PCDH11Y: variants seen among roughly 807,000 people sequenced by gnomAD.
PCDH11Y encodes the protein protocadherin 11 Y-linked.
For synonymous variants in PCDH11Y, 9 were observed against 83.6 expected (o/e 0.11, Z 4.87); for missense variants, 12 against 224.8 (o/e 0.05, Z 6.05).
intron 2 of PCDH11Y, among the ~76,000 whole-genome samples, chrY:5,470,704 T>C: frequency 1.1e-4 from 3 of 28,434 alleles, no homozygotes; most frequent in Non-Finnish European, 2.5e-4. Flanking sequence ...ACATGCATTA[T>C]TTTGTGTATG....
At chrY:5,227,178 A>G in intron 2 of PCDH11Y, among the ~76,000 whole-genome samples, 1 of 32,342 alleles carries the variant, frequency 3.1e-5, no homozygotes, top group Non-Finnish European at 7.6e-5. Flanking sequence ...TTACTAGGCA[A>G]TTAATTTTAT....
intron 4 of PCDH11Y, among the ~76,000 whole-genome samples, chrY:5,639,264 C>T: frequency 6.8e-5 from 2 of 29,621 alleles, no homozygotes; most frequent in African/African-American, 2.7e-4. Flanking sequence ...AGGAAAAATG[C>T]TGATAAATAC....
chrY:5,402,905 G>T, intron 2 of PCDH11Y, among the ~76,000 whole-genome samples: 1 of 32,285 alleles, frequency 3.1e-5, no homozygotes, highest in South Asian at 6.9e-4. Context: ...CTTTGCACAT[G>T]CCTTGGTATT....
intron 4 of PCDH11Y, among the ~76,000 whole-genome samples, chrY:5,646,888 G>T (rs2053527620): frequency 3.1e-5 from 1 of 32,509 alleles, no homozygotes; most frequent in South Asian, 6.7e-4. Context: ...AGACCCTAAA[G>T]CTAAAAGAAA....
At chrY:5,635,441 G>A in intron 4 of PCDH11Y, among the ~76,000 whole-genome samples, 2 of 32,556 alleles carry the variant, frequency 6.1e-5, no homozygotes, top group African/African-American at 2.4e-4. Flanking sequence ...AAAAGAAACA[G>A]GGAAAAGATG....
chrY:5,567,258 A>G, intron 3 of PCDH11Y, among the ~76,000 whole-genome samples: 1 of 32,487 alleles, frequency 3.1e-5, no homozygotes, highest in Admixed American at 2.9e-4. Flanking sequence ...GAGCTTGTAA[A>G]GTGATTGCAG....
chrY:5,338,999 A>G, intron 2 of PCDH11Y: 2 of 150,158 alleles, frequency 1.3e-5, no homozygotes, highest in African/African-American at 9.1e-5. Context: ...TCTATTTTCT[A>G]TATTGTGGCT....
At chrY:5,186,934 G>C in intron 2 of PCDH11Y, among the ~76,000 whole-genome samples, 1 of 33,856 alleles carries the variant, frequency 3.0e-5, no homozygotes, top group Non-Finnish European at 7.3e-5. Context: ...ACATACAATG[G>C]GTCAACAGGT....
At position 5,083,691 on chromosome Y, in the gene PCDH11Y, T is replaced by C; in HGVS notation, c.637-14524T>C. Reference sequence around the variant, plus strand: ...ACAGCTTTGATCTCACTACTAGTTATTGGCCTGTTCAGGATTTGAATTTCT... The same window carrying C: ...ACAGCTTTGATCTCACTACTAGTTACTGGCCTGTTCAGGATTTGAATTTCT... On this transcript the variant is annotated intron_variant, in intron 1 of 1. Transcript: ENST00000215473. Among the ~76,000 whole-genome samples, 5 of 29,085 alleles carry C rather than the reference T, an allele frequency of 1.7e-4. No homozygotes were observed. In the East Asian group the frequency reaches 2.8e-3, roughly 16 times the overall value. The allele number at this position is 29,085 out of a possible 37,273, so 78.0% of individuals were successfully genotyped here. A position where few individuals can be genotyped will look rare whatever the true frequency, so the allele number is the denominator to read the frequency against.
intron 3 of PCDH11Y, among the ~76,000 whole-genome samples, chrY:5,525,943 C>CTGTGTG (rs752117151): frequency 3.5e-5 from 1 of 28,359 alleles, no homozygotes; most frequent in African/African-American, 1.4e-4. Context: ...CTCTCTCTCT[C>CTGTGTG]TGTGTGTGTG....
At chrY:5,727,299 A>G (rs1602964710) in intron 4 of PCDH11Y, among the ~76,000 whole-genome samples, 2 of 32,406 alleles carry the variant, frequency 6.2e-5, no homozygotes. Flanking sequence ...GTTATTTGAA[A>G]TTAACTAGTG....
At chrY:5,566,182 C>A (rs2053435019) in intron 3 of PCDH11Y, among the ~76,000 whole-genome samples, 1 of 27,257 alleles carries the variant, frequency 3.7e-5, no homozygotes, top group Non-Finnish European at 8.7e-5. Context: ...ACCATGTTGG[C>A]CAGGATGGTC....
chrY:5,365,897 G>T, intron 2 of PCDH11Y, among the ~76,000 whole-genome samples: 2 of 32,820 alleles, frequency 6.1e-5, no homozygotes, highest in African/African-American at 2.4e-4. Flanking sequence ...TTCATTATTA[G>T]TATGGGCCCA....
Position 5,013,171 on chromosome Y carries a change from A to G in PCDH11Y, c.-134+12566A>G, listed in dbSNP as rs201841645. On this transcript the variant is annotated intron_variant, in intron 1 of 5. Transcript: ENST00000333703. ...AAGACAATGAGAAACAATTGAGTTAATTTACAATGGCATTAAAATAAAAAA... is the reference window on the plus strand; with the variant it reads ...AAGACAATGAGAAACAATTGAGTTAGTTTACAATGGCATTAAAATAAAAAA... Among the ~76,000 whole-genome samples the G allele has an allele frequency of 1.1e-3, 36 of 32,973 alleles. No individual in the cohort carries two copies. In the East Asian group the frequency reaches 0.027, roughly 25 times the overall value. 88.5% of individuals were successfully genotyped at this position (32,973 alleles called of 37,273 possible).
chrY:5,187,621 C>G, intron 2 of PCDH11Y, among the ~76,000 whole-genome samples: 1 of 30,832 alleles, frequency 3.2e-5, no homozygotes, highest in Non-Finnish European at 7.8e-5. Context: ...AGCAGCAAGG[C>G]CTTGGGTCCA....
At chrY:5,063,339 T>A in intron 1 of PCDH11Y, among the ~76,000 whole-genome samples, 1 of 18,282 alleles carries the variant, frequency 5.5e-5, no homozygotes, top group Non-Finnish European at 1.2e-4. Flanking sequence ...GAAGTGATGA[T>A]AAAAGCAATA....
intron 4 of PCDH11Y, among the ~76,000 whole-genome samples, chrY:5,667,389 T>C: frequency 6.5e-5 from 2 of 30,578 alleles, no homozygotes; most frequent in African/African-American, 2.6e-4. Flanking sequence ...TCTTTCCTTT[T>C]CTAAGTTTTG....
At chrY:5,323,988 G>A in intron 2 of PCDH11Y, among the ~76,000 whole-genome samples, 1 of 31,905 alleles carries the variant, frequency 3.1e-5, no homozygotes, top group Non-Finnish European at 7.6e-5. Flanking sequence ...TGAGCCAGGT[G>A]TCTTCAACTG....
intron 1 of PCDH11Y, among the ~76,000 whole-genome samples, chrY:5,005,279 TAG>T (rs2052538115): frequency 3.0e-5 from 1 of 33,830 alleles, no homozygotes; most frequent in Non-Finnish European, 7.4e-5. Flanking sequence ...TGTATTACAG[TAG>T]AGACTGGAAG....
Sources: gnomAD v4.1 joint callset for allele counts (sites outside exome capture counted in the v4.1 genomes callset) on GRCh38, gnomAD v4.1.1 for gene constraint, MANE v1.5 for transcripts, NCBI Gene and HGNC (gene_info 2026-07-23, HGNC 2026-07-21) for gene names.